The following C6orf89 variants were observed in gnomAD, a reference collection of about 807,000 sequenced individuals.
The protein encoded by C6orf89 is bombesin receptor-activated protein C6orf89.
Under a neutral mutation model 40.7 loss-of-function variants are expected in C6orf89, and 29 were observed. That is an observed-to-expected ratio of 0.71 (90% CI 0.53 to 0.97). C6orf89 has a LOEUF of 0.97. Ranked by LOEUF, C6orf89 falls within the 50% of genes least tolerant of loss-of-function variation. The probability of loss-of-function intolerance (pLI) is 0.00; values close to 1 mark genes in which losing one functional copy is unlikely to be tolerated. For missense variants in C6orf89, 392 were observed against 429.1 expected, an observed-to-expected ratio of 0.91 and a Z score of 0.76; for synonymous variants, 165 against 152.2, an observed-to-expected ratio of 1.08 and a Z score of -0.62.
chr6:36,920,322 T>G (rs1296417754), intron 8 of C6orf89, among the ~76,000 whole-genome samples: 1 of 152,198 alleles, frequency 6.6e-6, no homozygotes, highest in Non-Finnish European at 1.5e-5. Context: ...TAAAAATCTG[T>G]TCCAAAGAAA....
intron 7 of C6orf89, among the ~76,000 whole-genome samples, chr6:36,919,285 C>T (rs529379964): frequency 2.0e-5 from 3 of 152,344 alleles, no homozygotes; most frequent in Admixed American, 6.5e-5. Flanking sequence ...AGGATCTACT[C>T]TGGGGCTCTC....
upstream of C6orf89, among the ~76,000 whole-genome samples, chr6:36,885,657 G>T (rs1774945762): frequency 6.6e-6 from 1 of 152,116 alleles, no homozygotes; most frequent in Admixed American, 6.5e-5. Context: ...ACATAGTAGG[G>T]GACTCAGTAA....
chr6:36,916,442 CAGG>C lies in C6orf89; in HGVS notation c.699_701del (p.Arg234del). 4 of 1,614,058 alleles carry C rather than the reference CAGG, an allele frequency of 2.5e-6. No individual in the cohort carries two copies. The highest frequency in any genetic ancestry group is 3.4e-6 in the Non-Finnish European group (4 of 1,179,960). On this transcript the variant is annotated splice_acceptor_variant and coding_sequence_variant, in exon 7 of 9. Coordinates refer to ENST00000480824, the MANE Select transcript of C6orf89 (RefSeq NM_001286635.2). LOFTEE classifies it high-confidence loss of function. ...ACTTTTTTTCTGTTTCATACTTCTA[CAGG>C]AGGAGACCTCTGAACAGATCACAAA...
At chr6:36,916,294 T>G (rs1192279285) in intron 6 of C6orf89, 151 bp from the exon 7 acceptor site, 4 of 753,972 alleles carry the variant, frequency 5.3e-6, no homozygotes, top group Non-Finnish European at 8.6e-6. Flanking sequence ...TGTGCAACTA[T>G]TCTTCAGGGA....
chr6:36,887,293 C>T (rs961922933), intron 1 of C6orf89, among the ~76,000 whole-genome samples: 6 of 152,170 alleles, frequency 3.9e-5, no homozygotes, highest in African/African-American at 1.4e-4. Context: ...ATGAATAAAC[C>T]ATGAGCCACG....
chr6:36,920,904 C>G (rs139236863), intron 8 of C6orf89, among the ~76,000 whole-genome samples: 195 of 152,024 alleles, frequency 1.3e-3, no homozygotes, highest in African/African-American at 4.5e-3. Context: ...TACAGAAACA[C>G]CTTAGTTATC....
intron 2 of C6orf89, among the ~76,000 whole-genome samples, chr6:36,897,119 G>A (rs1761459004): frequency 9.3e-6 from 1 of 108,008 alleles, no homozygotes; most frequent in Admixed American, 1.3e-4. Flanking sequence ...ACCAGAGCAA[G>A]ACTCTGTCTC....
chr6:36,927,398 T>A lies in C6orf89; in HGVS notation c.*3957T>A, dbSNP rs1762717806. 1 of 152,214 alleles carries A rather than the reference T, an allele frequency of 6.6e-6. No homozygotes were observed. Among genetic ancestry groups the A allele is most frequent in the South Asian group, 2.1e-4 (1 of 4,826 alleles). The allele number at this position is 152,214 out of a possible 1,614,324, so 9.4% of individuals were successfully genotyped here. A position where few individuals can be genotyped will look rare whatever the true frequency, so the allele number is the denominator to read the frequency against. On this transcript the variant is annotated 3_prime_UTR_variant, in exon 9 of 9. Transcript: ENST00000480824. The stretch of plus-strand genomic sequence containing the variant: ...CCCAAAGCAAATGTTTGCATCTCCT[T>A]GTCCATAAAGGAGAAAGCCAGGTTA...
intron 4 of C6orf89, among the ~76,000 whole-genome samples, chr6:36,907,559 G>C (rs910576978): frequency 2.0e-5 from 3 of 152,186 alleles, no homozygotes; most frequent in African/African-American, 7.2e-5. Context: ...CTGAGAGACT[G>C]TTTTTGACAT....
In C6orf89 at chr6:36,923,405, G is replaced by T; in HGVS notation, c.1008G>T (p.Leu336Phe). The part of the protein sequence containing the change: ...VYVIARGVQP[L>F]VICDGTAFSE... ...TTATAGCCAGAGGGGTCCAGCCTTT[G>T]GTCATCTGCGATGGAACCGCTTTCT... is the stretch of plus-strand genomic sequence containing the variant. The change falls in exon 9 of 9, where the codon TTG becomes TTT. Residue 336 changes from leucine to phenylalanine, a missense_variant. Leu to Phe is a conservative substitution (Grantham distance 22, BLOSUM62 0). Transcript: ENST00000480824. 2 of 1,614,116 alleles carry T rather than the reference G, an allele frequency of 1.2e-6. No homozygotes were observed. Among genetic ancestry groups the T allele is most frequent in the Non-Finnish European group, 1.7e-6 (2 of 1,179,980 alleles).
chr6:36,918,063 C>T (rs1350371619), intron 7 of C6orf89, among the ~76,000 whole-genome samples: 2 of 152,248 alleles, frequency 1.3e-5, no homozygotes, highest in Non-Finnish European at 2.9e-5. Context: ...TTACCCCACC[C>T]TGTTGTCCAC....
At chr6:36,899,229 C>T (rs568772621) in intron 2 of C6orf89, among the ~76,000 whole-genome samples, 197 bp from the exon 3 acceptor site, 4 of 152,058 alleles carry the variant, frequency 2.6e-5, no homozygotes, top group East Asian at 3.9e-4. Context: ...CCACAGTTAA[C>T]GAATATTTTA....
Position 36,914,433 on chromosome 6 carries a change from A to AC in C6orf89, c.553_554insC (p.Lys185ThrfsTer20). 6.2e-7 allele frequency: 1 copy of AC among 1,614,194 alleles called. No homozygotes were observed. Among genetic ancestry groups the AC allele is most frequent in the Non-Finnish European group, 8.5e-7 (1 of 1,180,012 alleles). On this transcript the variant is annotated frameshift_variant and splice_region_variant, in exon 5 of 9. Coordinates refer to ENST00000480824, the MANE Select transcript of C6orf89 (RefSeq NM_001286635.2). LOFTEE classifies it high-confidence loss of function. Reference sequence around the variant, plus strand: ...TGAGAGGCTCCATCCACTGGTGATCAAGGTGAGCAGAAGCCTGAGTCTCCC... The same window carrying AC: ...TGAGAGGCTCCATCCACTGGTGATCACAGGTGAGCAGAAGCCTGAGTCTCCC...
intron 4 of C6orf89, among the ~76,000 whole-genome samples, chr6:36,907,176 G>C (rs1761960305): frequency 1.3e-5 from 2 of 152,144 alleles, no homozygotes; most frequent in Non-Finnish European, 2.9e-5. Flanking sequence ...GAACAAAACA[G>C]ACAAAACCAC....
intron 1 of C6orf89, among the ~76,000 whole-genome samples, chr6:36,876,648 C>T (rs929760676): frequency 8.0e-5 from 12 of 149,162 alleles, no homozygotes; most frequent in African/African-American, 2.5e-4. Context: ...CACTTGAACA[C>T]GGAAGGTGGA....
upstream of C6orf89, among the ~76,000 whole-genome samples, chr6:36,882,727 C>T (rs60745942): frequency 0.11 from 6,151 of 55,322 alleles, 398 homozygotes; most frequent in East Asian, 0.44. Flanking sequence ...TTTTTTTTTT[C>T]TTTTTTCTTT....
At chr6:36,921,702 A>C (rs1762514221) in intron 8 of C6orf89, among the ~76,000 whole-genome samples, 1 of 152,004 alleles carries the variant, frequency 6.6e-6, no homozygotes, top group Non-Finnish European at 1.5e-5. Flanking sequence ...CATGAGATCT[A>C]CCCTCTCAAC....
exon 1 of C6orf89, chr6:36,871,934 T>C: frequency 2.8e-6 from 4 of 1,416,006 alleles, no homozygotes; most frequent in Non-Finnish European, 3.8e-6. Flanking sequence ...AGGAGTATTA[T>C]GGAACTGCTC....
chr6:36,877,206 T>G (rs994432846), intron 1 of C6orf89, among the ~76,000 whole-genome samples: 1 of 152,234 alleles, frequency 6.6e-6, no homozygotes, highest in African/African-American at 2.4e-5. Context: ...GGATATTTTG[T>G]GTATGTATCT....
Sources: gnomAD v4.1 joint callset for allele counts (sites outside exome capture counted in the v4.1 genomes callset) on GRCh38, gnomAD v4.1.1 for gene constraint, MANE v1.5 for transcripts, NCBI Gene and HGNC (gene_info 2026-07-23, HGNC 2026-07-21) for gene names.